CCDC141: variants seen among roughly 807,000 people sequenced by gnomAD.
CCDC141 encodes the protein coiled-coil domain-containing protein 141.
CCDC141 carries 168 observed loss-of-function variants against 181.0 expected under a neutral mutation model. The ratio of observed to expected loss-of-function variants is 0.93; its 90% confidence interval spans 0.82 to 1.05. The LOEUF (loss-of-function observed/expected upper bound fraction) is 1.05, where lower values mean the gene tolerates loss of function less well. Among genes scored for constraint, CCDC141 ranks in the 50% least tolerant of loss-of-function variants. The pLI is 0.00. For missense variants in CCDC141, 1,902 were observed against 1,788.5 expected, an observed-to-expected ratio of 1.06 and a Z score of -1.14; for synonymous variants, 666 against 642.3, an observed-to-expected ratio of 1.04 and a Z score of -0.56.
intron 11 of CCDC141, among the ~76,000 whole-genome samples, chr2:178,883,143 G>A (rs1010483322): frequency 3.3e-5 from 5 of 152,138 alleles, no homozygotes; most frequent in African/African-American, 9.7e-5. Context: ...GTTCATTTTC[G>A]GCAATGAAGA....
chr2:178,902,022 A>C (rs1220572460), intron 8 of CCDC141, among the ~76,000 whole-genome samples: 2 of 152,138 alleles, frequency 1.3e-5, no homozygotes, highest in Non-Finnish European at 2.9e-5. Flanking sequence ...CAAAGAGAAT[A>C]AAATACCTAG....
At position 178,984,821 on chromosome 2, in the gene CCDC141, T is replaced by C. The variant is rs1423827459; in HGVS notation, c.226-6146A>G. ...GAGCACCCAGATTCATAAAGCAAGT[T>C]CTGAGTGACCTACGAAGAGACTTAG... On this transcript the variant is annotated intron_variant, in intron 2 of 23. Transcript: ENST00000443758. Among the ~76,000 whole-genome samples, 23 of 147,750 alleles carry C rather than the reference T, an allele frequency of 1.6e-4. No homozygotes were observed. The East Asian group carries it at 1.6e-3, about 10-fold the overall frequency.
chr2:178,988,371 A>G (rs1691860160), intron 2 of CCDC141, among the ~76,000 whole-genome samples: 2 of 150,974 alleles, frequency 1.3e-5, no homozygotes, highest in African/African-American at 2.4e-5. Flanking sequence ...CTAATGCTAG[A>G]TGACGAGTTA....
intron 4 of CCDC141, among the ~76,000 whole-genome samples, chr2:178,962,643 C>CCTTCTTTA (rs1690458935): frequency 6.7e-6 from 1 of 149,946 alleles, no homozygotes; most frequent in South Asian, 2.1e-4. Flanking sequence ...TCTTTCCTTT[C>CCTTCTTTA]CTTCTTTCTT....
At chr2:178,847,415 C>T (rs1423031036) in intron 21 of CCDC141, among the ~76,000 whole-genome samples, 2 of 152,076 alleles carry the variant, frequency 1.3e-5, no homozygotes, top group African/African-American at 4.8e-5. Flanking sequence ...CCTGTGGTCC[C>T]AGCTACTTGG....
chr2:178,873,056 T>A (rs945605341), intron 12 of CCDC141: 3 of 152,180 alleles, frequency 2.0e-5, no homozygotes, highest in African/African-American at 7.2e-5. Context: ...TAGAAACATT[T>A]AAAAAATGCA....
intron 17 of CCDC141, among the ~76,000 whole-genome samples, chr2:178,858,654 C>T (rs1171021693): frequency 2.0e-5 from 3 of 150,444 alleles, no homozygotes; most frequent in South Asian, 2.1e-4. Context: ...TGCATTTTAC[C>T]ACAATTAAAA....
chr2:178,850,173 A>G lies in CCDC141; in HGVS notation c.3245-12T>C. ...TCCTTCTTCCAAACCTGGGGAGGAG[A>G]AGGATGAAACTAGTTTTAAAGGTCA... On this transcript the variant is annotated splice_polypyrimidine_tract_variant and intron_variant, in intron 20 of 23. Coordinates refer to ENST00000443758, the MANE Select transcript of CCDC141 (RefSeq NM_173648.4). 6.8e-7 allele frequency: 1 copy of G among 1,468,320 alleles called. No homozygotes were observed. The highest frequency in any genetic ancestry group is 9.5e-7 in the Non-Finnish European group (1 of 1,051,528). 91.0% of individuals were successfully genotyped at this position (1,468,320 alleles called of 1,614,324 possible).
rs552291934 is a variant in CCDC141 at position 178,988,915 on chromosome 2, C to G, written c.226-10240G>C. Among the ~76,000 whole-genome samples the G allele has an allele frequency of 3.7e-4, 56 of 152,186 alleles. No individual in the cohort carries two copies. In the South Asian group the frequency reaches 4.4e-3, roughly 12 times the overall value. Reference sequence around the variant, plus strand: ...CCATTCAATTAGGAAAGAATAGTCTCAAACTAGTGGAACTAGAAGTACTAG... The same window carrying G: ...CCATTCAATTAGGAAAGAATAGTCTGAAACTAGTGGAACTAGAAGTACTAG... On this transcript the variant is annotated intron_variant, in intron 2 of 23. Transcript: ENST00000443758.
chr2:178,902,217 G>A (rs1473821439), intron 8 of CCDC141, among the ~76,000 whole-genome samples: 1 of 152,148 alleles, frequency 6.6e-6, no homozygotes, highest in Non-Finnish European at 1.5e-5. Flanking sequence ...TCCCCATCAA[G>A]CTACCAATGA....
chr2:178,849,689 G>GA (rs202024697), intron 21 of CCDC141, among the ~76,000 whole-genome samples: 103 of 150,484 alleles, frequency 6.8e-4, no homozygotes, highest in East Asian at 2.1e-3. Context: ...ATTTGGAGAG[G>GA]AAAAAAAAAC....
intron 17 of CCDC141, among the ~76,000 whole-genome samples, chr2:178,859,226 A>C (rs1685502921): frequency 6.6e-6 from 1 of 152,202 alleles, no homozygotes; most frequent in Non-Finnish European, 1.5e-5. Flanking sequence ...GGACTACTGC[A>C]GATACAAGTG....
rs769814325 is a variant in CCDC141 at position 178,837,389 on chromosome 2, T to C, written c.3830A>G (p.Asn1277Ser). The C allele has an allele frequency of 2.5e-6, 4 of 1,614,092 alleles. No individual in the cohort carries two copies. The highest frequency in any genetic ancestry group is 1.1e-5 in the South Asian group (1 of 91,088). Residue 1277 changes from asparagine (N) to serine (S), a missense_variant, in exon 23 of 24, where the codon AAT (asparagine) becomes AGT (serine). Asn to Ser is a conservative substitution (Grantham distance 46, BLOSUM62 1). Transcript: ENST00000443758. ...PPPVAFADACNDKRETFSSHF... is the reference protein window; with the variant it reads ...PPPVAFADACSDKRETFSSHF... Reference sequence around the variant, plus strand: ...ACTTGAAAATGTTTCTCTCTTATCATTGCATGCATCCGCAAAGGCAACAGG... The same window carrying C: ...ACTTGAAAATGTTTCTCTCTTATCACTGCATGCATCCGCAAAGGCAACAGG...
At chr2:178,862,947 G>T (rs1685685372) in intron 17 of CCDC141, among the ~76,000 whole-genome samples, 1 of 152,072 alleles carries the variant, frequency 6.6e-6, no homozygotes, top group African/African-American at 2.4e-5. Context: ...ATAACCAAAT[G>T]AACTGTACTA....
chr2:178,988,412 ATAC>A (rs1691862866), intron 2 of CCDC141, among the ~76,000 whole-genome samples: 1 of 151,778 alleles, frequency 6.6e-6, no homozygotes, highest in Admixed American at 6.6e-5. Flanking sequence ...TGGCACATGT[ATAC>A]GTATGTAACT....
At chr2:178,985,791 C>T (rs956498471) in intron 2 of CCDC141, among the ~76,000 whole-genome samples, 3 of 152,118 alleles carry the variant, frequency 2.0e-5, no homozygotes, top group Admixed American at 2.0e-4. Flanking sequence ...TCTGAATAGA[C>T]CAATAACAGG....
At position 178,961,285 on chromosome 2, in the gene CCDC141, C is replaced by A; in HGVS notation, c.725G>T (p.Trp242Leu). Residue 242 changes from tryptophan to leucine, a missense_variant, in exon 5 of 24, where the codon TGG (tryptophan) becomes TTG (leucine). Physicochemically the swap from Trp to Leu is moderately conservative, Grantham distance 61 (BLOSUM62 -2). Coordinates refer to ENST00000443758, the MANE Select transcript of CCDC141 (RefSeq NM_173648.4). ...CTGCAGAACTTGACTCAATTCTTGC[C>A]ACTGTTGCTTCAAGTACTTGTCTAG... ...RQLDKYLKQQ[W>L]QELSQVLQIC... The A allele has an allele frequency of 6.4e-7, 1 of 1,550,436 alleles. No homozygotes were observed. The highest frequency in any genetic ancestry group is 1.4e-5 in the African/African-American group (1 of 73,134).
chr2:178,997,846 T>C (rs1692356978), intron 2 of CCDC141, among the ~76,000 whole-genome samples: 1 of 152,174 alleles, frequency 6.6e-6, no homozygotes. Flanking sequence ...AACTTGAGGA[T>C]AGGATTTTGA....
At chr2:178,983,446 T>C (rs1421436824) in intron 2 of CCDC141, among the ~76,000 whole-genome samples, 3 of 151,594 alleles carry the variant, frequency 2.0e-5, no homozygotes, top group African/African-American at 7.3e-5. Context: ...TTACCAGCAA[T>C]GGAACAAAGC....
Sources: gnomAD v4.1 joint callset for allele counts (sites outside exome capture counted in the v4.1 genomes callset) on GRCh38, gnomAD v4.1.1 for gene constraint, MANE v1.5 for transcripts, NCBI Gene and HGNC (gene_info 2026-07-23, HGNC 2026-07-21) for gene names.